The following DPY19L1 variants were observed in gnomAD, a reference collection of about 807,000 sequenced individuals.
The protein encoded by DPY19L1 is dpy-19 like C-mannosyltransferase 1, also known as protein C-mannosyl-transferase DPY19L1.
DPY19L1 carries 35 observed loss-of-function variants against 96.9 expected under a neutral mutation model. The ratio of observed to expected loss-of-function variants is 0.36; its 90% CI spans 0.28 to 0.48. The LOEUF (loss-of-function observed/expected upper bound fraction) is 0.48, where lower values mean the gene tolerates loss of function less well. Ranked by LOEUF, DPY19L1 falls within the 20% of genes least tolerant of loss-of-function variation. The pLI is 0.99. For synonymous variants in DPY19L1, 205 were observed against 252.6 expected, an observed-to-expected ratio of 0.81 and a Z score of 1.79; for missense variants, 521 against 777.9, an observed-to-expected ratio of 0.67 and a Z score of 3.93.
chr7:35,012,114 A>C (rs191059217), intron 4 of DPY19L1, among the ~76,000 whole-genome samples: 1 of 152,330 alleles, frequency 6.6e-6, no homozygotes, highest in East Asian at 1.9e-4. Flanking sequence ...GGCTGAAGAA[A>C]GTAAATTCAC....
At chr7:34,986,650 A>T (rs1785054393) in intron 7 of DPY19L1, among the ~76,000 whole-genome samples, 3 of 152,010 alleles carry the variant, frequency 2.0e-5, no homozygotes, top group African/African-American at 7.2e-5. Context: ...CTATTTCAAT[A>T]ATTAGGAACA....
chr7:34,993,312 T>C (rs1785212246), intron 6 of DPY19L1, among the ~76,000 whole-genome samples: 2 of 152,204 alleles, frequency 1.3e-5, no homozygotes, highest in Non-Finnish European at 2.9e-5. Context: ...CTCTTTGAAA[T>C]AGCCAATTAT....
chr7:34,990,181 C>T (rs915189611), intron 6 of DPY19L1, among the ~76,000 whole-genome samples: 4 of 152,148 alleles, frequency 2.6e-5, no homozygotes, highest in Non-Finnish European at 5.9e-5. Context: ...CAGAAAAGCA[C>T]GCAAACTGAA....
At chr7:34,932,658 ACATAT>A (rs1229020093) in intron 21 of DPY19L1, among the ~76,000 whole-genome samples, 2 of 152,240 alleles carry the variant, frequency 1.3e-5, no homozygotes, top group African/African-American at 4.8e-5. Flanking sequence ...CTCAAAAGCA[ACATAT>A]CTTTATAAAT....
rs892855902 is a variant in DPY19L1, at chr7:34,947,503, T to G, written c.1494+127A>C. On this transcript the variant is annotated intron_variant, in intron 15 of 21. Coordinates refer to ENST00000638088, the MANE Select transcript of DPY19L1 (RefSeq NM_001366673.1). ...ATCAAAAGCTATCATTAAGAAAACATAGAATATGTTACAGTAAGCCCATAC... is the reference window on the plus strand; with the variant it reads ...ATCAAAAGCTATCATTAAGAAAACAGAGAATATGTTACAGTAAGCCCATAC... 5.9e-6 allele frequency: 4 copies of G among 674,096 alleles called. No homozygotes were observed. In the African/African-American group the frequency reaches 7.7e-5, roughly 13 times the overall value. The allele number at this position is 674,096 out of a possible 1,614,324, so 41.8% of individuals were successfully genotyped here.
rs1170593379 is a variant in DPY19L1, at chr7:34,995,919, G to C, written c.765-5978C>G. ...TCCCCTATACTCATGGCGGCGGTGG[G>C]GGGGGCGGTGGGGGGGATTCACTGG... On this transcript the variant is annotated intron_variant, in intron 6 of 21. Coordinates refer to ENST00000638088, the MANE Select transcript of DPY19L1 (RefSeq NM_001366673.1). 7.6e-5 allele frequency among the ~76,000 whole-genome samples: 11 copies of C among 145,186 alleles called. No homozygotes were observed. The East Asian group carries it at 1.6e-3, about 22-fold the overall frequency.
chr7:34,964,828 T>C (rs1784576678), intron 10 of DPY19L1, among the ~76,000 whole-genome samples: 1 of 152,152 alleles, frequency 6.6e-6, no homozygotes, highest in Non-Finnish European at 1.5e-5. Context: ...CTAAAATAGA[T>C]GTCATTTTCT....
At chr7:34,944,365 C>CAAAAAAAAAAAAAAAAAA (rs60937482) in intron 16 of DPY19L1, among the ~76,000 whole-genome samples, 5 of 82,314 alleles carry the variant, frequency 6.1e-5, no homozygotes, top group African/African-American at 1.5e-4. Flanking sequence ...GGCTCTGTCT[C>CAAAAAAAAAAAAAAAAAA]AAAAAAAAAA....
intron 6 of DPY19L1, among the ~76,000 whole-genome samples, chr7:34,992,522 T>G (rs554717031): frequency 1.3e-5 from 2 of 150,100 alleles, no homozygotes; most frequent in African/African-American, 4.9e-5. Flanking sequence ...TTAAACAATG[T>G]CAGGCACAAA....
At chr7:34,984,856 C>T (rs542790179) in intron 7 of DPY19L1, among the ~76,000 whole-genome samples, 21 of 152,114 alleles carry the variant, frequency 1.4e-4, no homozygotes, top group Non-Finnish European at 2.6e-4. Flanking sequence ...TGACCTTATC[C>T]GCTATCACTT....
chr7:34,942,689 C>T (rs755161945), intron 16 of DPY19L1, 50 bp from the exon 17 acceptor site: 63 of 1,491,100 alleles, frequency 4.2e-5, no homozygotes, highest in Admixed American at 1.1e-4. Flanking sequence ...GAAGCACTTA[C>T]GTCATATATT....
chr7:35,010,862 C>T (rs1785694325), intron 5 of DPY19L1, among the ~76,000 whole-genome samples: 1 of 152,130 alleles, frequency 6.6e-6, no homozygotes, highest in Non-Finnish European at 1.5e-5. Context: ...CAGAGTATGG[C>T]AGAAGCAACA....
chr7:34,987,886 C>A (rs1219533568), intron 7 of DPY19L1: 1 of 152,028 alleles, frequency 6.6e-6, no homozygotes, highest in Non-Finnish European at 1.5e-5. Context: ...TGTATTTTCA[C>A]AAGTAATTTT....
intron 10 of DPY19L1, among the ~76,000 whole-genome samples, chr7:34,962,084 T>C (rs1784512401): frequency 6.6e-6 from 1 of 152,164 alleles, no homozygotes; most frequent in Non-Finnish European, 1.5e-5. Flanking sequence ...CATCCAAATA[T>C]CACTTTCCTT....
At chr7:34,997,435 A>G (rs71551081) in intron 6 of DPY19L1, among the ~76,000 whole-genome samples, 1 of 65,008 alleles carries the variant, frequency 1.5e-5, no homozygotes, top group African/African-American at 6.8e-5. Context: ...TACTAAAAAT[A>G]CAAAAAAAAA....
At chr7:35,021,085 T>C (rs1301440861) in intron 1 of DPY19L1, among the ~76,000 whole-genome samples, 2 of 152,248 alleles carry the variant, frequency 1.3e-5, no homozygotes, top group African/African-American at 2.4e-5. Context: ...ATTAGTTTCT[T>C]ATTCCTGACA....
At chr7:35,021,458 A>C (rs1204039041) in intron 1 of DPY19L1, among the ~76,000 whole-genome samples, 1 of 152,176 alleles carries the variant, frequency 6.6e-6, no homozygotes, top group Non-Finnish European at 1.5e-5. Flanking sequence ...CATCTGCCCA[A>C]TGTTTTGAAT....
chr7:35,002,231 C>A (rs1219036554), intron 6 of DPY19L1, among the ~76,000 whole-genome samples: 2 of 150,132 alleles, frequency 1.3e-5, no homozygotes, highest in Non-Finnish European at 3.0e-5. Flanking sequence ...ATCATTAATA[C>A]CCTTAGAGAG....
chr7:34,935,612 T>C (rs1783852418), intron 21 of DPY19L1, among the ~76,000 whole-genome samples: 1 of 152,066 alleles, frequency 6.6e-6, no homozygotes, highest in South Asian at 2.1e-4. Flanking sequence ...TAAATATTGG[T>C]CCCTCTTCCC....
Sources: gnomAD v4.1 joint callset for allele counts (sites outside exome capture counted in the v4.1 genomes callset) on GRCh38, gnomAD v4.1.1 for gene constraint, MANE v1.5 for transcripts, NCBI Gene and HGNC (gene_info 2026-07-23, HGNC 2026-07-21) for gene names.